The following LAMA2 variants were observed in gnomAD, a reference collection of about 807,000 sequenced individuals.
The protein encoded by LAMA2 is laminin subunit alpha-2.
In LAMA2, 269 loss-of-function variants were observed where a neutral mutation model predicts 364.8. That is an observed-to-expected ratio of 0.74 (90% CI 0.67 to 0.82). LAMA2 has a LOEUF of 0.82. Ranked by LOEUF, LAMA2 falls within the 40% of genes least tolerant of loss-of-function variation. LAMA2 has a pLI of 0.00. For missense variants in LAMA2, 3,807 were observed against 3,873.2 expected (o/e 0.98, Z 0.45); for synonymous variants, 1,379 against 1,370.6 (o/e 1.01, Z -0.14).
chr6:128,932,533 C>A (rs1779544528), intron 1 of LAMA2, among the ~76,000 whole-genome samples: 1 of 151,962 alleles, frequency 6.6e-6, no homozygotes, highest in Non-Finnish European at 1.5e-5. Context: ...TCACTGTACA[C>A]CCTAAAAAAA....
At chr6:129,181,600 A>C (rs891266950) in intron 10 of LAMA2, among the ~76,000 whole-genome samples, 1 of 151,976 alleles carries the variant, frequency 6.6e-6, no homozygotes, top group African/African-American at 2.4e-5. Flanking sequence ...TGGGTTAAAC[A>C]AGAGATGAGA....
intron 9 of LAMA2, among the ~76,000 whole-genome samples, chr6:129,173,080 C>G (rs1021375717): frequency 1.3e-5 from 2 of 152,294 alleles, no homozygotes; most frequent in East Asian, 3.9e-4. Context: ...TCTGGCATTC[C>G]CTAGTGAGAT....
intron 30 of LAMA2, among the ~76,000 whole-genome samples, chr6:129,343,538 A>G (rs999541409): frequency 6.6e-5 from 10 of 152,186 alleles, no homozygotes; most frequent in African/African-American, 9.7e-5. Flanking sequence ...TAGTATGTGT[A>G]TGAAAAATAA....
At chr6:129,124,020 C>T (rs1198339288) in intron 4 of LAMA2, among the ~76,000 whole-genome samples, 1 of 152,170 alleles carries the variant, frequency 6.6e-6, no homozygotes, top group Non-Finnish European at 1.5e-5. Context: ...AGGTTGTATA[C>T]ATCAAATACG....
chr6:129,430,177 C>A (rs1781519177), intron 41 of LAMA2, among the ~76,000 whole-genome samples: 2 of 152,122 alleles, frequency 1.3e-5, no homozygotes, highest in Non-Finnish European at 2.9e-5. Flanking sequence ...TATATTACTA[C>A]CAGGAACTGC....
rs542048823 is a variant in LAMA2 at position 129,489,672 on chromosome 6, A to G, written c.7899-2229A>G. ...AGTCATTTGGGGTTTCCAGAATGAG[A>G]TAAAGATTTTAACACTGAACCCTAA... On this transcript the variant is annotated intron_variant, in intron 56 of 64. Coordinates refer to ENST00000421865, the MANE Select transcript of LAMA2 (RefSeq NM_000426.4). Among the ~76,000 whole-genome samples, 13 of 152,330 alleles carry G rather than the reference A, an allele frequency of 8.5e-5. No individual in the cohort carries two copies. The East Asian group carries it at 2.3e-3, about 27-fold the overall frequency.
At chr6:129,191,549 G>A (rs1006525998) in intron 11 of LAMA2, among the ~76,000 whole-genome samples, 7 of 152,206 alleles carry the variant, frequency 4.6e-5, no homozygotes, top group Non-Finnish European at 8.8e-5. Context: ...ATCATCAGAT[G>A]CTAGAGACAC....
chr6:129,195,606 T>C (rs1056216746), intron 12 of LAMA2, among the ~76,000 whole-genome samples: 9 of 152,204 alleles, frequency 5.9e-5, no homozygotes, highest in African/African-American at 2.2e-4. Flanking sequence ...TTGGCACAAC[T>C]GGCAGAATCA....
intron 9 of LAMA2, among the ~76,000 whole-genome samples, chr6:129,171,337 G>A (rs1017352682): frequency 5.1e-4 from 78 of 152,240 alleles, no homozygotes; most frequent in Non-Finnish European, 7.1e-4. Flanking sequence ...CATGTTTAGT[G>A]CTTCCTTCAG....
At chr6:129,332,248 A>G (rs1024197979) in intron 29 of LAMA2, among the ~76,000 whole-genome samples, 11 of 152,212 alleles carry the variant, frequency 7.2e-5, no homozygotes, top group Admixed American at 2.6e-4. Context: ...AGAAACATTT[A>G]CTGATTAATA....
At chr6:129,134,029 T>C (rs1199225291) in intron 4 of LAMA2, among the ~76,000 whole-genome samples, 2 of 152,188 alleles carry the variant, frequency 1.3e-5, no homozygotes, top group African/African-American at 4.8e-5. Context: ...GACCTCCTGC[T>C]CCAAGATTTT....
intron 8 of LAMA2, among the ~76,000 whole-genome samples, chr6:129,155,230 T>A (rs904294421): frequency 2.6e-5 from 4 of 152,208 alleles, no homozygotes; most frequent in African/African-American, 9.6e-5. Context: ...GTCATATTTT[T>A]ATTTACCTTG....
At chr6:129,045,405 T>C (rs921669391) in intron 1 of LAMA2, among the ~76,000 whole-genome samples, 3 of 152,308 alleles carry the variant, frequency 2.0e-5, no homozygotes, top group African/African-American at 7.2e-5. Flanking sequence ...TTGGTTCTAC[T>C]TTAGGCCCTG....
intron 45 of LAMA2, among the ~76,000 whole-genome samples, chr6:129,449,836 C>T (rs80027306): frequency 1.1e-3 from 154 of 140,492 alleles, no homozygotes; most frequent in African/African-American, 4.0e-3. Flanking sequence ...TGGAATCTCA[C>T]TCTGTGGCCA....
intron 1 of LAMA2, among the ~76,000 whole-genome samples, chr6:128,912,709 A>C (rs140358142): frequency 4.6e-4 from 70 of 152,338 alleles, no homozygotes; most frequent in African/African-American, 1.5e-3. Flanking sequence ...TAGGGAAAAA[A>C]GTAAGTGTAT....
intron 29 of LAMA2, among the ~76,000 whole-genome samples, chr6:129,335,381 T>C (rs1255090715): frequency 6.6e-6 from 1 of 151,840 alleles, no homozygotes. Context: ...GATAGATAGA[T>C]AGATAGATAG....
At chr6:129,475,307 TTTA>T in intron 52 of LAMA2, 80 bp from the exon 53 acceptor site, 2 of 844,228 alleles carry the variant, frequency 2.4e-6, no homozygotes, top group Non-Finnish European at 3.7e-6. Flanking sequence ...ATGATTAAAG[TTTA>T]TTGTTTTACT....
At chr6:128,959,082 T>G (rs927379661) in intron 1 of LAMA2, among the ~76,000 whole-genome samples, 11 of 152,188 alleles carry the variant, frequency 7.2e-5, no homozygotes, top group African/African-American at 2.7e-4. Flanking sequence ...TGTGTCTCTC[T>G]TTTCTTTTTT....
At chr6:129,074,651 A>C (rs1291416693) in intron 3 of LAMA2, among the ~76,000 whole-genome samples, 1 of 152,248 alleles carries the variant, frequency 6.6e-6, no homozygotes, top group East Asian at 1.9e-4. Context: ...TTACAGTTTT[A>C]AAAACAAAAA....
Sources: gnomAD v4.1 joint callset for allele counts (sites outside exome capture counted in the v4.1 genomes callset) on GRCh38, gnomAD v4.1.1 for gene constraint, MANE v1.5 for transcripts, NCBI Gene and HGNC (gene_info 2026-07-23, HGNC 2026-07-21) for gene names.